ATR: variants seen among roughly 807,000 people sequenced by gnomAD.
ATR encodes serine/threonine-protein kinase ATR.
A neutral mutation model predicts 305.3 loss-of-function variants in ATR; 142 were observed. The ratio of observed to expected loss-of-function variants is 0.47; its 90% CI spans 0.41 to 0.53. ATR has a LOEUF of 0.53. ATR is among the 20% of genes least tolerant of loss of function. The pLI is 0.00. For synonymous variants in ATR, 1,050 were observed against 1,068.1 expected (o/e 0.98, Z 0.33); for missense variants, 2,135 against 3,133.1 (o/e 0.68, Z 7.60).
At chr3:142,499,129 C>T (rs1002597222) in intron 31 of ATR, 1 of 377,890 alleles carries the variant, frequency 2.6e-6, no homozygotes, top group Non-Finnish European at 5.1e-6. Context: ...AATCCTCCCA[C>T]CTTGGCCTCC....
At chr3:142,528,654 A>C (rs1468556819) in intron 21 of ATR, among the ~76,000 whole-genome samples, 1 of 151,348 alleles carries the variant, frequency 6.6e-6, no homozygotes, top group Non-Finnish European at 1.5e-5. Flanking sequence ...TAAATTTTTT[A>C]ATTTTAAGGT....
chr3:142,477,241 C>T (rs1428149946), intron 36 of ATR, among the ~76,000 whole-genome samples: 1 of 152,104 alleles, frequency 6.6e-6, no homozygotes, highest in Non-Finnish European at 1.5e-5. Context: ...TCATAAATAG[C>T]TCTTATTATT....
At chr3:142,456,321 A>T (rs1331114547) in intron 45 of ATR, among the ~76,000 whole-genome samples, 1 of 152,156 alleles carries the variant, frequency 6.6e-6, no homozygotes, top group Admixed American at 6.6e-5. Flanking sequence ...TAATCCCAGC[A>T]CTTTGGGAGG....
At chr3:142,492,733 C>T (rs1211398865) in intron 35 of ATR, among the ~76,000 whole-genome samples, 1 of 152,142 alleles carries the variant, frequency 6.6e-6, no homozygotes, top group Non-Finnish European at 1.5e-5. Flanking sequence ...AAGTACTTTT[C>T]AATTTCCATT....
intron 46 of ATR, chr3:142,451,907 G>A: frequency 2.3e-6 from 3 of 1,297,702 alleles, no homozygotes; most frequent in Non-Finnish European, 3.0e-6. Flanking sequence ...TCAGATATTG[G>A]AATCCCTCAG....
chr3:142,536,105 T>A lies in ATR; in HGVS notation c.3819+3A>T. 6.5e-7 allele frequency: 1 copy of A among 1,544,014 alleles called. No homozygotes were observed. The highest frequency in any genetic ancestry group is 9.0e-7 in the Non-Finnish European group (1 of 1,117,020). The stretch of plus-strand genomic sequence containing the variant: ...CCTAAACCACAAATTAAAAATTAAA[T>A]ACCTTTCTGTATTCCTGGAGAACGG... On this transcript the variant is annotated splice_donor_region_variant and intron_variant, in intron 20 of 46. Coordinates refer to ENST00000350721, the MANE Select transcript of ATR (RefSeq NM_001184.4).
intron 3 of ATR, among the ~76,000 whole-genome samples, chr3:142,565,199 T>C (rs1479933348): frequency 6.6e-6 from 1 of 152,090 alleles, no homozygotes; most frequent in Non-Finnish European, 1.5e-5. Context: ...ATAGCCTCTA[T>C]GATAGATGAA....
intron 23 of ATR, among the ~76,000 whole-genome samples, chr3:142,520,821 ACTAT>A (rs1450160875): frequency 3.3e-5 from 5 of 152,332 alleles, no homozygotes; most frequent in African/African-American, 1.2e-4. Context: ...TGAAGAAGCA[ACTAT>A]TGATAGAGAA....
intron 40 of ATR, 103 bp from the exon 41 acceptor site, chr3:142,465,343 C>T: frequency 1.2e-6 from 1 of 848,612 alleles, no homozygotes; most frequent in East Asian, 2.8e-5. Context: ...AAGAATATTA[C>T]CAGCTATATT....
At chr3:142,572,260 G>C (rs538887997) in intron 1 of ATR, among the ~76,000 whole-genome samples, 18 of 150,778 alleles carry the variant, frequency 1.2e-4, no homozygotes, top group Admixed American at 3.3e-4. Flanking sequence ...TAGTAGAGAC[G>C]GGGTTGCACC....
Position 142,476,263 on chromosome 3 carries a change from AT to A in ATR, c.6222-6081del, listed in dbSNP as rs568724111. On this transcript the variant is annotated intron_variant, in intron 36 of 46. Transcript: ENST00000350721. ...TAAGTCTTTAATCCATCTTGAATTA[AT>A]TTTCGTATAAGGTGTAAGGAAGGAT... 3.3e-5 allele frequency among the ~76,000 whole-genome samples: 5 copies of A among 152,240 alleles called. No individual in the cohort carries two copies. The South Asian group carries it at 1.0e-3, about 32-fold the overall frequency.
At position 142,555,988 on chromosome 3, in the gene ATR, T is replaced by A. The variant is rs1264860794; in HGVS notation, c.2230A>T (p.Asn744Tyr). ...TCATGTTGAGAAGTGGCTTTCAAGT[T>A]CCTACAGAAGAGGTCCACATGTCCG... ...EHGHVDLFCR[N>Y]LKATSQHECS... Residue 744 changes from asparagine (N) to tyrosine (Y), a missense_variant, in exon 10 of 47, where the codon AAC (asparagine) becomes TAC (tyrosine). Transcript: ENST00000350721. 1.9e-6 allele frequency: 3 copies of A among 1,613,996 alleles called. No homozygotes were observed. The African/African-American group carries it at 4.0e-5, about 22-fold the overall frequency.
intron 22 of ATR, 60 bp from the exon 23 acceptor site, chr3:142,522,901 T>C (rs746692074): frequency 2.7e-4 from 344 of 1,269,150 alleles, no homozygotes; most frequent in Non-Finnish European, 3.8e-4. Context: ...TTCTTAGGTG[T>C]ACTGCTTTTT....
chr3:142,568,958 G>A (rs541002562), intron 1 of ATR, among the ~76,000 whole-genome samples: 1 of 152,352 alleles, frequency 6.6e-6, no homozygotes, highest in African/African-American at 2.4e-5. Context: ...CAGCCTCGGT[G>A]TAGTGGGTGG....
intron 25 of ATR, 21 bp from the exon 26 acceptor site, chr3:142,513,659 G>C: frequency 1.2e-6 from 2 of 1,611,266 alleles, no homozygotes; most frequent in Non-Finnish European, 1.7e-6. Context: ...AAAATGTGTA[G>C]ACAGTAACAC....
At position 142,535,079 on chromosome 3, in the gene ATR, C is replaced by T. The variant is rs1324949843; in HGVS notation, c.3945+1G>A. On this transcript the variant is annotated splice_donor_variant, in intron 21 of 46. Transcript: ENST00000350721. LOFTEE classifies it high-confidence loss of function. ...TTTTTAATTATATCATATTAGCATA[C>T]CTGATTTTTATACAAGGTTTCCTTC... The T allele has an allele frequency of 1.9e-6, 3 of 1,610,936 alleles. No individual in the cohort carries two copies. The highest frequency in any genetic ancestry group is 3.3e-5 in the Admixed American group (2 of 59,884).
At chr3:142,570,496 C>T (rs957347672) in intron 1 of ATR, among the ~76,000 whole-genome samples, 4 of 152,318 alleles carry the variant, frequency 2.6e-5, no homozygotes, top group African/African-American at 9.6e-5. Flanking sequence ...AAGCGATTCT[C>T]CTGCCTCAGC....
intron 16 of ATR, 70 bp from the exon 17 acceptor site, chr3:142,542,827 TTTAA>T (rs2034103785): frequency 8.2e-7 from 1 of 1,219,142 alleles, no homozygotes; most frequent in Admixed American, 2.0e-5. Context: ...ATTTTAATTA[TTTAA>T]TTAATGTCAT....
chr3:142,547,670 A>C, intron 16 of ATR, 55 bp downstream of exon 16: 2 of 1,554,242 alleles, frequency 1.3e-6, no homozygotes, highest in African/African-American at 2.7e-5. Context: ...TTTTATAATT[A>C]AGCTGCAAAA....
Sources: allele counts gnomAD v4.1 joint callset (sites outside exome capture counted in the v4.1 genomes callset), GRCh38; gene constraint gnomAD v4.1.1; transcripts MANE v1.5; gene names NCBI Gene and HGNC (gene_info 2026-07-23, HGNC 2026-07-21).